The following DLG2 variants were observed in gnomAD, a reference collection of about 807,000 sequenced individuals.
DLG2 encodes the protein discs large MAGUK scaffold protein 2.
In DLG2, 45 loss-of-function variants were observed where a neutral mutation model predicts 132.5. The observed-to-expected ratio is 0.34, with a 90% CI of 0.27 to 0.44. The LOEUF (loss-of-function observed/expected upper bound fraction) is 0.44, where lower values mean the gene tolerates loss of function less well. Among genes scored for constraint, DLG2 ranks in the 20% least tolerant of loss-of-function variants. The pLI, the probability that DLG2 is intolerant of heterozygous loss-of-function variation, is 1.00. For synonymous variants in DLG2, 424 were observed against 419.6 expected (o/e 1.01, Z -0.13); for missense variants, 1,045 against 1,196.9 (o/e 0.87, Z 1.87).
At chr11:84,216,910 G>T (rs915047111) in intron 8 of DLG2, among the ~76,000 whole-genome samples, 1 of 152,106 alleles carries the variant, frequency 6.6e-6, no homozygotes, top group African/African-American at 2.4e-5. Context: ...ATGGAATCAT[G>T]AAAATATAGT....
chr11:85,536,863 T>C (rs1411162317), intron 3 of DLG2, among the ~76,000 whole-genome samples: 4 of 152,174 alleles, frequency 2.6e-5, no homozygotes, highest in African/African-American at 9.7e-5. Context: ...TGGGACGAGC[T>C]CCCTCTGGGC....
chr11:84,953,604 C>T (rs1238727695), intron 6 of DLG2, among the ~76,000 whole-genome samples: 1 of 152,104 alleles, frequency 6.6e-6, no homozygotes, highest in African/African-American at 2.4e-5. Flanking sequence ...AAATACTTAT[C>T]TCTAATTTGC....
chr11:84,094,762 T>C (rs1295238501), intron 10 of DLG2, among the ~76,000 whole-genome samples: 1 of 152,144 alleles, frequency 6.6e-6, no homozygotes, highest in African/African-American at 2.4e-5. Context: ...CCTGATATCA[T>C]TACATTGGGG....
intron 6 of DLG2, among the ~76,000 whole-genome samples, chr11:84,947,649 A>T (rs1215061089): frequency 1.3e-5 from 2 of 152,142 alleles, no homozygotes; most frequent in Non-Finnish European, 2.9e-5. Context: ...TGCTATATAG[A>T]AATTTCTGAA....
intron 6 of DLG2, among the ~76,000 whole-genome samples, chr11:85,027,611 C>A (rs2060644437): frequency 1.3e-5 from 2 of 152,232 alleles, no homozygotes; most frequent in African/African-American, 4.8e-5. Flanking sequence ...CTGTGCACAG[C>A]CACGCATGCT....
At chr11:84,656,708 G>A (rs772010619) in intron 6 of DLG2, among the ~76,000 whole-genome samples, 6 of 152,044 alleles carry the variant, frequency 3.9e-5, no homozygotes, top group South Asian at 2.1e-4. Context: ...ACTCACTAAC[G>A]AAGTCACCTT....
chr11:84,361,916 A>G (rs1416015659), intron 7 of DLG2, among the ~76,000 whole-genome samples: 4 of 151,986 alleles, frequency 2.6e-5, no homozygotes, highest in Non-Finnish European at 5.9e-5. Flanking sequence ...ATAGGTAATA[A>G]GCCAATAGTT....
At chr11:83,855,587 T>G (rs972040734) in intron 16 of DLG2, among the ~76,000 whole-genome samples, 16 of 152,206 alleles carry the variant, frequency 1.1e-4, no homozygotes, top group Admixed American at 1.0e-3. Context: ...ACATACTGTA[T>G]TATTCCAACT....
At chr11:84,813,861 C>G (rs2076829567) in intron 6 of DLG2, among the ~76,000 whole-genome samples, 1 of 152,044 alleles carries the variant, frequency 6.6e-6, no homozygotes, top group African/African-American at 2.4e-5. Context: ...TAATTTCCCC[C>G]CTCCCTCTAC....
At position 85,285,346 on chromosome 11, in the gene DLG2, C is replaced by T; in HGVS notation, c.60G>A (p.Glu20=). 1 of 1,610,694 alleles carries T rather than the reference C, an allele frequency of 6.2e-7. No homozygotes were observed. The highest frequency in any genetic ancestry group is 1.7e-4 in the Middle Eastern group (1 of 6,038). ...QALLDIQEFY[E]VTLLNSQKSC... ...TTTTTTGAGAATTTAGCAATGTCAC[C>T]TCATAAAATTCTTGGATATCTGTAA... Residue 20 remains glutamate (E), a synonymous_variant, in exon 4 of 28, where the codon GAG becomes GAA. Coordinates refer to ENST00000376104, the MANE Select transcript of DLG2 (RefSeq NM_001142699.3).
At chr11:83,609,567 A>G (rs897135753) in intron 19 of DLG2, among the ~76,000 whole-genome samples, 2 of 152,220 alleles carry the variant, frequency 1.3e-5, no homozygotes, top group Admixed American at 1.3e-4. Flanking sequence ...AAACCCAAAA[A>G]CGAAAATGTA....
intron 8 of DLG2, among the ~76,000 whole-genome samples, chr11:84,181,213 C>A (rs986205768): frequency 3.3e-5 from 5 of 151,394 alleles, no homozygotes; most frequent in African/African-American, 1.2e-4. Flanking sequence ...GAAACTATGG[C>A]AGAATGGGGA....
In DLG2 at chr11:84,615,048, A is replaced by G. The variant is rs77295034; in HGVS notation, c.358-80317T>C. 3.4e-3 allele frequency among the ~76,000 whole-genome samples: 512 copies of G among 152,242 alleles called. 3 individuals carry two copies. The highest frequency in any genetic ancestry group is 6.9e-3 in the Middle Eastern group (2 of 290). On this transcript the variant is annotated intron_variant, in intron 6 of 27. Transcript: ENST00000376104. The stretch of plus-strand genomic sequence containing the variant: ...CAGCCAAGCATTCAAGCAGGCACCC[A>G]ATTCATAAGGATGATACAAATTCAA...
chr11:85,502,066 C>G lies in DLG2; in HGVS notation c.40+96591G>C, dbSNP rs574675844. On this transcript the variant is annotated intron_variant, in intron 3 of 27. Coordinates refer to ENST00000376104, the MANE Select transcript of DLG2 (RefSeq NM_001142699.3). ...GGATTAAGAAAATGTGGCACATATA[C>G]TCCATGGAATACTATGCAGCCATAA... Among the ~76,000 whole-genome samples the G allele has an allele frequency of 9.7e-3, 1,477 of 152,172 alleles. 32 individuals carry two copies. The highest frequency in any genetic ancestry group is 0.034 in the African/African-American group (1,420 of 41,494).
At chr11:84,316,929 AGGTCCTGTTGAAGCTGGACCCCCC>A in intron 7 of DLG2, 2 of 1,612,806 alleles carry the variant, frequency 1.2e-6, no homozygotes, top group South Asian at 1.1e-5. Context: ...CTGTCCCACA[AGGTCCTGTTGAAGCTGGACCCCCC>A]GGTCCTGTTT....
chr11:84,600,932 A>G (rs1174227586), intron 6 of DLG2, among the ~76,000 whole-genome samples: 1 of 152,202 alleles, frequency 6.6e-6, no homozygotes, highest in Non-Finnish European at 1.5e-5. Flanking sequence ...AGAAGTTCAA[A>G]TGCTCAAAGG....
In DLG2 at chr11:85,189,705, T is replaced by C. The variant is rs78521807; in HGVS notation, c.187-35054A>G. On this transcript the variant is annotated intron_variant, in intron 4 of 27. Transcript: ENST00000376104. Reference sequence around the variant, plus strand: ...ACATATGTTAAAATTCAAAGACCCATGTACCAAAAGGCATCTTTACTTTAT... The same window carrying C: ...ACATATGTTAAAATTCAAAGACCCACGTACCAAAAGGCATCTTTACTTTAT... Among the ~76,000 whole-genome samples the C allele has an allele frequency of 5.5e-3, 833 of 152,274 alleles. 1 individual carries two copies. Among genetic ancestry groups the C allele is most frequent in the Middle Eastern group, 0.01 (3 of 294 alleles).
intron 6 of DLG2, among the ~76,000 whole-genome samples, chr11:84,657,478 T>C (rs1425440975): frequency 6.6e-6 from 1 of 152,128 alleles, no homozygotes; most frequent in Admixed American, 6.5e-5. Flanking sequence ...CTCAACCCTT[T>C]TGACACCAGG....
chr11:84,098,750 A>G (rs1028341622), intron 10 of DLG2, among the ~76,000 whole-genome samples, 173 bp downstream of exon 10: 2 of 152,190 alleles, frequency 1.3e-5, no homozygotes, highest in African/African-American at 2.4e-5. Flanking sequence ...ATCAAACACT[A>G]CTGAAATTCA....
Sources: gnomAD v4.1 joint callset for allele counts (sites outside exome capture counted in the v4.1 genomes callset) on GRCh38, gnomAD v4.1.1 for gene constraint, MANE v1.5 for transcripts, NCBI Gene and HGNC (gene_info 2026-07-23, HGNC 2026-07-21) for gene names.